SLC9A9: variants seen among roughly 807,000 people sequenced by gnomAD.
The protein encoded by SLC9A9 is sodium/hydrogen exchanger 9.
In SLC9A9, 62 loss-of-function variants were observed where a neutral mutation model predicts 77.8. The observed-to-expected ratio is 0.80, with a 90% CI of 0.65 to 0.98. The LOEUF (loss-of-function observed/expected upper bound fraction) is 0.98, where lower values mean the gene tolerates loss of function less well. Among genes scored for constraint, SLC9A9 ranks in the 50% least tolerant of loss-of-function variants. SLC9A9 has a pLI of 0.00. For missense variants in SLC9A9, 775 were observed against 774.9 expected, an observed-to-expected ratio of 1.00 and a Z score of 0.00; for synonymous variants, 320 against 283.5, an observed-to-expected ratio of 1.13 and a Z score of -1.29.
intron 7 of SLC9A9, among the ~76,000 whole-genome samples, chr3:143,574,973 G>A (rs1008997554): frequency 2.0e-5 from 3 of 152,160 alleles, no homozygotes; most frequent in East Asian, 1.9e-4. Context: ...AGATGTGATC[G>A]TGTTGCATTT....
intron 9 of SLC9A9, among the ~76,000 whole-genome samples, chr3:143,507,213 A>G (rs28518169): frequency 0.22 from 33,380 of 150,752 alleles, 4,795 homozygotes; most frequent in Non-Finnish European, 0.33. Flanking sequence ...TATTATTATT[A>G]TTTTTATTTT....
intron 11 of SLC9A9, among the ~76,000 whole-genome samples, chr3:143,472,465 C>A (rs1204032867): frequency 6.6e-6 from 1 of 152,206 alleles, no homozygotes; most frequent in Admixed American, 6.5e-5. Flanking sequence ...TTTCTCAGTT[C>A]TTTTCTCCTA....
At chr3:143,370,368 G>C (rs2033020776) in intron 13 of SLC9A9, among the ~76,000 whole-genome samples, 2 of 151,822 alleles carry the variant, frequency 1.3e-5, no homozygotes, top group Non-Finnish European at 2.9e-5. Context: ...AACTATCCTG[G>C]GTCAAATATA....
At chr3:143,621,352 G>T (rs2038209538) in intron 6 of SLC9A9, among the ~76,000 whole-genome samples, 1 of 152,176 alleles carries the variant, frequency 6.6e-6, no homozygotes, top group South Asian at 2.1e-4. Flanking sequence ...TAGCCTAACT[G>T]GGAGGCACCC....
rs564221299 is a variant in SLC9A9, at chr3:143,432,829, T to C, written c.1469+34208A>G. 3.3e-5 allele frequency among the ~76,000 whole-genome samples: 5 copies of C among 152,338 alleles called. No individual in the cohort carries two copies. In the South Asian group the frequency reaches 8.3e-4, roughly 25 times the overall value. ...TTTTAGTAGAGATAGGGTTTCACCA[T>C]GTTAGCTAGGATGGTCTTGATCTCC... On this transcript the variant is annotated intron_variant, in intron 12 of 15. Coordinates refer to ENST00000316549, the MANE Select transcript of SLC9A9 (RefSeq NM_173653.4).
chr3:143,594,082 G>A (rs1201116294), intron 6 of SLC9A9, among the ~76,000 whole-genome samples: 2 of 151,790 alleles, frequency 1.3e-5, no homozygotes, highest in Admixed American at 1.3e-4. Context: ...TTAAAATTCT[G>A]GATTTTAAAA....
chr3:143,613,896 T>C (rs1226612266), intron 6 of SLC9A9, among the ~76,000 whole-genome samples: 1 of 152,202 alleles, frequency 6.6e-6, no homozygotes, highest in Non-Finnish European at 1.5e-5. Flanking sequence ...TTGTCCATTC[T>C]AGAAAAAAAT....
chr3:143,820,706 C>A (rs1433117175), intron 2 of SLC9A9, among the ~76,000 whole-genome samples: 1 of 152,168 alleles, frequency 6.6e-6, no homozygotes, highest in Non-Finnish European at 1.5e-5. Context: ...TGCGTCTCAC[C>A]AAGAGCTACT....
intron 14 of SLC9A9, among the ~76,000 whole-genome samples, chr3:143,358,858 C>T (rs2032661785): frequency 6.6e-6 from 1 of 152,204 alleles, no homozygotes; most frequent in South Asian, 2.1e-4. Context: ...TTCAATGTCA[C>T]TCAGACAGAG....
chr3:143,553,160 A>G (rs1031590377), intron 8 of SLC9A9, among the ~76,000 whole-genome samples: 8 of 152,184 alleles, frequency 5.3e-5, no homozygotes, highest in African/African-American at 1.9e-4. Context: ...TGCAGGGTTT[A>G]GTTTTAAACC....
intron 14 of SLC9A9, among the ~76,000 whole-genome samples, chr3:143,294,162 T>G (rs905358725): frequency 5.3e-5 from 8 of 152,244 alleles, no homozygotes; most frequent in Non-Finnish European, 1.2e-4. Context: ...AATGTCTTTC[T>G]GGCCAAATAC....
intron 12 of SLC9A9, among the ~76,000 whole-genome samples, chr3:143,393,979 AG>A (rs1432449814): frequency 6.6e-6 from 1 of 152,244 alleles, no homozygotes; most frequent in East Asian, 1.9e-4. Flanking sequence ...AACCAAAAAA[AG>A]TCCAGGACCA....
At chr3:143,790,361 GA>G (rs908218077) in intron 4 of SLC9A9, among the ~76,000 whole-genome samples, 1 of 152,202 alleles carries the variant, frequency 6.6e-6, no homozygotes, top group African/African-American at 2.4e-5. Flanking sequence ...CCTTCAGTAA[GA>G]AAAGACAGGT....
chr3:143,578,763 ATC>A (rs1489200183), intron 6 of SLC9A9, 40 bp from the exon 7 acceptor site: 2 of 1,612,834 alleles, frequency 1.2e-6, no homozygotes, highest in Non-Finnish European at 1.7e-6. Context: ...AGTGACTTTC[ATC>A]TCATAGCCCA....
chr3:143,571,237 C>A (rs116486046), intron 8 of SLC9A9, among the ~76,000 whole-genome samples: 1 of 152,144 alleles, frequency 6.6e-6, no homozygotes, highest in African/African-American at 2.4e-5. Context: ...TTGCTGGTTA[C>A]CTCTGTAGTT....
chr3:143,501,614 T>A (rs894466639), intron 9 of SLC9A9, among the ~76,000 whole-genome samples: 3 of 151,086 alleles, frequency 2.0e-5, no homozygotes, highest in Admixed American at 2.0e-4. Context: ...TATCAGTTTT[T>A]AAAAACCTTT....
rs143976031 is a variant in SLC9A9, at chr3:143,575,978, G to A, written c.895-1785C>T. ...CACTGTTACCGAGCCTGTTTCTTCC[G>A]TCTCTACACCCTTTCTTTCAGATCT... On this transcript the variant is annotated intron_variant, in intron 7 of 15. Coordinates refer to ENST00000316549, the MANE Select transcript of SLC9A9 (RefSeq NM_173653.4). Among the ~76,000 whole-genome samples the A allele has an allele frequency of 3.2e-3, 482 of 151,876 alleles. 2 individuals are homozygous for A. Among genetic ancestry groups the A allele is most frequent in the African/African-American group, 9.7e-3 (403 of 41,410 alleles).
rs998646306 is a variant in SLC9A9, at chr3:143,308,950, AT to A, written c.1605-39971del. 1.2e-4 allele frequency among the ~76,000 whole-genome samples: 19 copies of A among 152,162 alleles called. 1 individual carries two copies. Among genetic ancestry groups the A allele is most frequent in the African/African-American group, 4.1e-4 (17 of 41,448 alleles). ...TTCTCTTAGGCTCAGTTTTCCCCCCATAAAACATGGAGATTGCAGGAAATCT... is the reference window on the plus strand; with the variant it reads ...TTCTCTTAGGCTCAGTTTTCCCCCCAAAAACATGGAGATTGCAGGAAATCT... On this transcript the variant is annotated intron_variant, in intron 14 of 15. Coordinates refer to ENST00000316549, the MANE Select transcript of SLC9A9 (RefSeq NM_173653.4).
intron 14 of SLC9A9, among the ~76,000 whole-genome samples, chr3:143,341,611 C>T (rs1349007895): frequency 6.6e-6 from 1 of 152,074 alleles, no homozygotes; most frequent in Non-Finnish European, 1.5e-5. Flanking sequence ...GCTTCAGATA[C>T]CAAATTGCAA....
Sources: gnomAD v4.1 joint callset for allele counts (sites outside exome capture counted in the v4.1 genomes callset) on GRCh38, gnomAD v4.1.1 for gene constraint, MANE v1.5 for transcripts, NCBI Gene and HGNC (gene_info 2026-07-23, HGNC 2026-07-21) for gene names.